Variants in PPP1CB observed in about 807,000 individuals in gnomAD.
PPP1CB encodes the protein serine/threonine-protein phosphatase PP1-beta catalytic subunit.
In PPP1CB, 2 loss-of-function variants were observed where a neutral mutation model predicts 43.7. The observed-to-expected ratio is 0.05, with a 90% CI of 0.02 to 0.14. The LOEUF (loss-of-function observed/expected upper bound fraction) is 0.14, where lower values mean the gene tolerates loss of function less well. PPP1CB is among the 10% of genes least tolerant of loss of function. The pLI is 1.00. For missense variants in PPP1CB, 84 were observed against 398.0 expected, an observed-to-expected ratio of 0.21 and a Z score of 6.71; for synonymous variants, 136 against 135.6, an observed-to-expected ratio of 1.00 and a Z score of -0.02.
rs1667091860 is a variant in PPP1CB at position 28,778,882 on chromosome 2, T to G, written c.258T>G (p.Tyr86Ter). The stretch of plus-strand genomic sequence containing the variant: ...GAGGTTTCCCACCAGAAGCCAACTA[T>G]CTTTTCTTAGGAGATTATGTGGACA... The part of the protein sequence containing the change: ...EYGGFPPEAN[Y>*]LFLGDYVDRG... The change falls in exon 3 of 8, where the codon TAT becomes TAG. Residue 86 changes from tyrosine (Y) to a stop codon, truncating the protein, a stop_gained. Coordinates refer to ENST00000395366, the MANE Select transcript of PPP1CB (RefSeq NM_002709.3). LOFTEE classifies it high-confidence loss of function. The G allele has an allele frequency of 6.2e-7, 1 of 1,610,028 alleles. No homozygotes were observed. Among genetic ancestry groups the G allele is most frequent in the African/African-American group, 1.3e-5 (1 of 74,856 alleles).
Position 28,801,751 on chromosome 2 carries a change from T to C in PPP1CB, c.*2448T>C, listed in dbSNP as rs560757095. The C allele has an allele frequency of 1.3e-5, 2 of 152,334 alleles. No homozygotes were observed. Among genetic ancestry groups the C allele is most frequent in the South Asian group, 2.1e-4 (1 of 4,826 alleles). The allele number at this position is 152,334 out of a possible 1,614,324, so 9.4% of individuals were successfully genotyped here. ...TGTATACAATTTAATCCAAATGTTA[T>C]GACATTCAGAAATCATGAAACACAG... is the stretch of plus-strand genomic sequence containing the variant. On this transcript the variant is annotated 3_prime_UTR_variant, in exon 8 of 8. Coordinates refer to ENST00000395366, the MANE Select transcript of PPP1CB (RefSeq NM_002709.3).
chr2:28,770,884 A>G (rs1280836724), intron 1 of PPP1CB, among the ~76,000 whole-genome samples: 1 of 152,192 alleles, frequency 6.6e-6, no homozygotes, highest in African/African-American at 2.4e-5. Context: ...ATGTCAGCCA[A>G]AATCCATTTA....
intron 6 of PPP1CB, among the ~76,000 whole-genome samples, chr2:28,791,355 G>A (rs893617753): frequency 1.3e-5 from 2 of 151,910 alleles, no homozygotes; most frequent in Non-Finnish European, 2.9e-5. Flanking sequence ...TTGTGAGACA[G>A]AGTCTCACAC....
At chr2:28,752,598 A>C (rs912424046) in intron 1 of PPP1CB, among the ~76,000 whole-genome samples, 9 of 152,102 alleles carry the variant, frequency 5.9e-5, no homozygotes, top group Admixed American at 5.2e-4. Flanking sequence ...CTCTTTGTGC[A>C]TTGCCCTTGG....
intron 7 of PPP1CB, among the ~76,000 whole-genome samples, chr2:28,796,738 C>T (rs1667504627): frequency 6.6e-6 from 1 of 152,008 alleles, no homozygotes; most frequent in Non-Finnish European, 1.5e-5. Flanking sequence ...GTTTATCTTC[C>T]TCTCTTCTTA....
chr2:28,794,824 TTTGC>T (rs1667465140), intron 7 of PPP1CB, among the ~76,000 whole-genome samples: 1 of 152,196 alleles, frequency 6.6e-6, no homozygotes, highest in African/African-American at 2.4e-5. Flanking sequence ...CGGGGGGTTG[TTTGC>T]TCACTTTTAT....
At chr2:28,798,819 G>A (rs1344988635) in intron 7 of PPP1CB, among the ~76,000 whole-genome samples, 1 of 151,976 alleles carries the variant, frequency 6.6e-6, no homozygotes, top group Non-Finnish European at 1.5e-5. Flanking sequence ...AAATAAATAA[G>A]GTCTGAAGGG....
chr2:28,783,968 C>T lies in PPP1CB; in HGVS notation c.582C>T (p.Val194=). ...GGAGAATTATGAGACCTACTGATGT[C>T]CCTGATACAGGTAAGTGTAGAGAGA... ...QIRRIMRPTD[V]PDTGLLCDLL... Residue 194 remains valine (V), a synonymous_variant, in exon 5 of 8, where the codon GTC becomes GTT. Coordinates refer to ENST00000395366, the MANE Select transcript of PPP1CB (RefSeq NM_002709.3). 1 of 1,608,376 alleles carries T rather than the reference C, an allele frequency of 6.2e-7. No individual in the cohort carries two copies. Among genetic ancestry groups the T allele is most frequent in the Non-Finnish European group, 8.5e-7 (1 of 1,175,004 alleles).
intron 4 of PPP1CB, 149 bp from the exon 5 acceptor site, chr2:28,783,758 A>G (rs564073097): frequency 1.1e-3 from 217 of 198,142 alleles, no homozygotes; most frequent in Admixed American, 2.0e-3. Flanking sequence ...TTCTGTCTCG[A>G]AAAAAAAAAA....
At position 28,800,281 on chromosome 2, in the gene PPP1CB, A is replaced by G. The variant is rs1667588196; in HGVS notation, c.*978A>G. 8.3e-6 allele frequency: 1 copy of G among 119,972 alleles called. No homozygotes were observed. The highest frequency in any genetic ancestry group is 2.5e-4 in the South Asian group (1 of 4,038). 7.4% of individuals were successfully genotyped at this position (119,972 alleles called of 1,614,324 possible). A position where few individuals can be genotyped will look rare whatever the true frequency, so the allele number is the denominator to read the frequency against. ...TTGTTTGTTTTTAGATCCACAGTAC[A>G]TGAGAATCCTTTTTTGACAAGCCTT... On this transcript the variant is annotated 3_prime_UTR_variant, in exon 8 of 8. Transcript: ENST00000395366.
rs1667208876 is a variant in PPP1CB, at chr2:28,783,896, T to C, written c.521-11T>C. The stretch of plus-strand genomic sequence containing the variant: ...AGCTGTTAGTACTATGTCTCATCTT[T>C]TTATTTATAGGATTGTCACCAGACC... On this transcript the variant is annotated splice_polypyrimidine_tract_variant and intron_variant, in intron 4 of 7. Coordinates refer to ENST00000395366, the MANE Select transcript of PPP1CB (RefSeq NM_002709.3). 6.2e-7 allele frequency: 1 copy of C among 1,603,776 alleles called. No individual in the cohort carries two copies. Among genetic ancestry groups the C allele is most frequent in the Non-Finnish European group, 8.5e-7 (1 of 1,171,098 alleles).
At chr2:28,782,839 A>G (rs1018873183) in intron 4 of PPP1CB, 1 of 152,238 alleles carries the variant, frequency 6.6e-6, no homozygotes, top group African/African-American at 2.4e-5. Context: ...CGCTGAAAAG[A>G]TAGATGCACT....
At chr2:28,760,962 G>A (rs1469774940) in intron 1 of PPP1CB, among the ~76,000 whole-genome samples, 1 of 152,182 alleles carries the variant, frequency 6.6e-6, no homozygotes, top group Non-Finnish European at 1.5e-5. Context: ...GTGCAGTGGT[G>A]CAGTCTCGGC....
chr2:28,801,791 A>C lies in PPP1CB; in HGVS notation c.*2488A>C, dbSNP rs975643218. 2.6e-5 allele frequency: 4 copies of C among 152,188 alleles called. No homozygotes were observed. The highest frequency in any genetic ancestry group is 9.6e-5 in the African/African-American group (4 of 41,456). 9.4% of individuals were successfully genotyped at this position (152,188 alleles called of 1,614,324 possible). ...ATGAAACACAGTAGATATCTGTTAT[A>C]ATGTGGTGTATCACATGGATTATAA... On this transcript the variant is annotated 3_prime_UTR_variant, in exon 8 of 8. Transcript: ENST00000395366.
chr2:28,776,778 G>C, intron 1 of PPP1CB, 73 bp from the exon 2 acceptor site: 2 of 1,433,554 alleles, frequency 1.4e-6, no homozygotes, highest in Non-Finnish European at 1.9e-6. Context: ...TTTAAAGTAT[G>C]GGCATGACTC....
intron 5 of PPP1CB, among the ~76,000 whole-genome samples, chr2:28,787,821 G>A (rs2148056284): frequency 6.6e-6 from 1 of 152,128 alleles, no homozygotes; most frequent in East Asian, 1.9e-4. Context: ...TTCATTTGCT[G>A]GTCTTCTCAC....
intron 5 of PPP1CB, among the ~76,000 whole-genome samples, chr2:28,786,397 A>C (rs1308324808): frequency 6.6e-6 from 1 of 152,178 alleles, no homozygotes; most frequent in East Asian, 1.9e-4. Context: ...TACAGGCGTG[A>C]GCCACCATAC....
intron 1 of PPP1CB, among the ~76,000 whole-genome samples, chr2:28,770,373 TAA>T (rs34776114): frequency 3.8e-5 from 1 of 26,486 alleles, no homozygotes; most frequent in African/African-American, 1.2e-4. Flanking sequence ...AATGAGGAAG[TAA>T]AAAAAAGGGG....
intron 1 of PPP1CB, among the ~76,000 whole-genome samples, chr2:28,773,325 T>A (rs1421914812): frequency 6.6e-6 from 1 of 152,126 alleles, no homozygotes; most frequent in Non-Finnish European, 1.5e-5. Context: ...TGTGGTGAAG[T>A]GGAAAAAGTA....
Sources: allele counts gnomAD v4.1 joint callset (sites outside exome capture counted in the v4.1 genomes callset), GRCh38; gene constraint gnomAD v4.1.1; transcripts MANE v1.5; gene names NCBI Gene and HGNC (gene_info 2026-07-23, HGNC 2026-07-21).